RANBP2: variants seen among roughly 807,000 people sequenced by gnomAD.
RANBP2 encodes E3 SUMO-protein ligase RanBP2.
RANBP2 carries 57 observed loss-of-function variants against 303.6 expected under a neutral mutation model. The observed-to-expected ratio is 0.19, with a 90% CI of 0.15 to 0.23. The LOEUF is 0.23. Ranked by LOEUF, RANBP2 falls within the 10% of genes least tolerant of loss-of-function variation. The pLI is 1.00. For missense variants in RANBP2, 3,138 were observed against 3,780.8 expected (o/e 0.83, Z 4.46); for synonymous variants, 1,167 against 1,301.5 (o/e 0.90, Z 2.23).
the RANBP2 span, among the ~76,000 whole-genome samples, chr2:109,368,708 TAAAAAA>T: frequency 2.2e-5 from 3 of 136,812 alleles, no homozygotes; most frequent in East Asian, 4.1e-4. Context: ...GTATTTTCTT[TAAAAAA>T]AAAAAAAAAG....
the RANBP2 span, chr2:109,546,281 G>T: frequency 7.6e-7 from 1 of 1,321,962 alleles, no homozygotes; most frequent in Non-Finnish European, 1.0e-6. Flanking sequence ...CAGCGCGGCA[G>T]CAGAGGCACG....
the RANBP2 span, chr2:109,546,337 G>A: frequency 3.0e-6 from 2 of 668,140 alleles, no homozygotes; most frequent in African/African-American, 3.7e-5. Context: ...GCGCAACACA[G>A]AATAACCTAC....
At chr2:109,513,605 C>A in the RANBP2 span, among the ~76,000 whole-genome samples, 1 of 152,218 alleles carries the variant, frequency 6.6e-6, no homozygotes, top group Non-Finnish European at 1.5e-5. Context: ...CACGTCCACA[C>A]ACTATATGCA....
the RANBP2 span, among the ~76,000 whole-genome samples, chr2:109,478,977 C>G: frequency 5.9e-5 from 9 of 152,202 alleles, no homozygotes; most frequent in Non-Finnish European, 1.0e-4. Context: ...CTGAGAGAAC[C>G]TGCAGGTTTC....
chr2:109,433,688 C>G, the RANBP2 span, among the ~76,000 whole-genome samples: 1 of 152,332 alleles, frequency 6.6e-6, no homozygotes, highest in South Asian at 2.1e-4. Context: ...TTGAGCAGCT[C>G]TAGTTCGCAA....
At chr2:109,469,267 A>T in the RANBP2 span, among the ~76,000 whole-genome samples, 3 of 152,226 alleles carry the variant, frequency 2.0e-5, no homozygotes, top group African/African-American at 4.8e-5. Flanking sequence ...AAGGGCCTGG[A>T]TCTAACAGCC....
the RANBP2 span, chr2:108,906,229 G>A: frequency 5.3e-6 from 8 of 1,503,126 alleles, no homozygotes; most frequent in Non-Finnish European, 6.5e-6. Flanking sequence ...TCCCCTCACA[G>A]GAGCCTCAGG....
At chr2:109,714,230 C>T in the RANBP2 span, among the ~76,000 whole-genome samples, 1 of 152,062 alleles carries the variant, frequency 6.6e-6, no homozygotes, top group Non-Finnish European at 1.5e-5. Flanking sequence ...GACCAATAGG[C>T]ACGTTGCATT....
the RANBP2 span, chr2:108,791,573 A>AT: frequency 8.7e-6 from 12 of 1,381,688 alleles, no homozygotes; most frequent in African/African-American, 4.3e-5. Flanking sequence ...ATGTTTTTAC[A>AT]TTTTTTCTCA....
At chr2:109,384,697 G>A in the RANBP2 span, among the ~76,000 whole-genome samples, 4 of 152,124 alleles carry the variant, frequency 2.6e-5, no homozygotes, top group Non-Finnish European at 4.4e-5. Context: ...GCCCACCCCC[G>A]CTTTGCTGAG....
At chr2:109,033,589 A>G in the RANBP2 span, among the ~76,000 whole-genome samples, 1 of 152,192 alleles carries the variant, frequency 6.6e-6, no homozygotes, top group Non-Finnish European at 1.5e-5. Flanking sequence ...ACGGAGGGGC[A>G]AGGAAGCAGT....
chr2:108,777,762 G>T (rs1677987785), intron 25 of RANBP2, among the ~76,000 whole-genome samples: 1 of 151,990 alleles, frequency 6.6e-6, no homozygotes, highest in Non-Finnish European at 1.5e-5. Flanking sequence ...ATTGTATCCG[G>T]TTTACTAGTG....
At chr2:108,739,260 G>C (rs989914639) in intron 6 of RANBP2, among the ~76,000 whole-genome samples, 3 of 151,920 alleles carry the variant, frequency 2.0e-5, no homozygotes, top group Non-Finnish European at 4.4e-5. Flanking sequence ...AAAATTAGCC[G>C]GGTATGTTGG....
At chr2:108,846,050 A>G in the RANBP2 span, among the ~76,000 whole-genome samples, 5 of 152,056 alleles carry the variant, frequency 3.3e-5, no homozygotes, top group African/African-American at 9.7e-5. Context: ...TGGAGTCACT[A>G]TGACTTTTTA....
At chr2:109,695,426 TC>T in the RANBP2 span, among the ~76,000 whole-genome samples, 3 of 152,182 alleles carry the variant, frequency 2.0e-5, no homozygotes, top group African/African-American at 7.2e-5. Flanking sequence ...TACCCAGTAG[TC>T]CCTGCTGAGA....
At chr2:109,509,952 T>C in the RANBP2 span, among the ~76,000 whole-genome samples, 1 of 152,102 alleles carries the variant, frequency 6.6e-6, no homozygotes, top group Non-Finnish European at 1.5e-5. Context: ...GGCAAAGTAC[T>C]AAGGGATCGC....
the RANBP2 span, among the ~76,000 whole-genome samples, chr2:109,376,909 T>C: frequency 6.6e-6 from 1 of 152,190 alleles, no homozygotes; most frequent in African/African-American, 2.4e-5. Context: ...GACCATCCTG[T>C]GCCTAGATAG....
the RANBP2 span, among the ~76,000 whole-genome samples, chr2:109,621,275 C>T: frequency 3.3e-5 from 5 of 152,148 alleles, no homozygotes; most frequent in Non-Finnish European, 7.3e-5. Context: ...GCCTCAGCCT[C>T]CCGAGTAGCT....
the RANBP2 span, among the ~76,000 whole-genome samples, chr2:108,925,442 C>A: frequency 6.6e-6 from 1 of 152,158 alleles, no homozygotes. Context: ...AATGGGGCCA[C>A]TACATTTTGA....
Sources: allele counts gnomAD v4.1 joint callset (sites outside exome capture counted in the v4.1 genomes callset), GRCh38; gene constraint gnomAD v4.1.1; transcripts MANE v1.5; gene names NCBI Gene and HGNC (gene_info 2026-07-23, HGNC 2026-07-21).